The following FKTN variants were observed in gnomAD, a reference collection of about 807,000 sequenced individuals.
The protein encoded by FKTN is ribitol-5-phosphate transferase FKTN.
A neutral mutation model predicts 58.6 loss-of-function variants in FKTN; 47 were observed. The observed-to-expected ratio is 0.80, with a 90% CI of 0.63 to 1.02. The LOEUF (loss-of-function observed/expected upper bound fraction) is 1.02. Ranked by LOEUF, FKTN falls within the 50% of genes least tolerant of loss-of-function variation. FKTN has a pLI of 0.00. For missense variants in FKTN, 516 were observed against 537.3 expected (o/e 0.96, Z 0.39); for synonymous variants, 178 against 191.9 (o/e 0.93, Z 0.60).
intron 10 of FKTN, 60 bp from the exon 11 acceptor site, chr9:105,634,991 T>C (rs1833908318): frequency 1.5e-6 from 2 of 1,361,772 alleles, no homozygotes; most frequent in South Asian, 1.2e-5. Context: ...CACTAGCAGC[T>C]AGATTCCTTA....
intron 1 of FKTN, among the ~76,000 whole-genome samples, chr9:105,558,800 T>C (rs1279237861): frequency 2.6e-5 from 4 of 152,190 alleles, no homozygotes; most frequent in Non-Finnish European, 5.9e-5. Flanking sequence ...AAGGCTGTGT[T>C]TGAGCTAGAC....
chr9:105,598,105 A>G (rs1374678834), intron 4 of FKTN: 7 of 468,788 alleles, frequency 1.5e-5, no homozygotes, highest in Non-Finnish European at 2.7e-5. Flanking sequence ...TTGAGGTGGG[A>G]GAAAATAATG....
At chr9:105,612,844 A>C (rs1410987350) in intron 7 of FKTN, among the ~76,000 whole-genome samples, 1 of 152,186 alleles carries the variant, frequency 6.6e-6, no homozygotes, top group African/African-American at 2.4e-5. Flanking sequence ...GTGCACTTGT[A>C]ATCCCAGCTA....
chr9:105,634,343 G>C (rs1365656572), intron 10 of FKTN, among the ~76,000 whole-genome samples: 1 of 151,852 alleles, frequency 6.6e-6, no homozygotes, highest in African/African-American at 2.4e-5. Context: ...CATGTTGGCC[G>C]GGCTGGTCTC....
intron 10 of FKTN, among the ~76,000 whole-genome samples, chr9:105,631,122 G>A (rs1263132727): frequency 2.6e-5 from 4 of 152,088 alleles, no homozygotes; most frequent in Admixed American, 2.0e-4. Context: ...GACAAAGCGA[G>A]ACTGTCTCAA....
intron 3 of FKTN, among the ~76,000 whole-genome samples, chr9:105,583,132 G>A (rs1234431845): frequency 6.6e-6 from 1 of 152,240 alleles, no homozygotes; most frequent in Non-Finnish European, 1.5e-5. Context: ...CAAAAGAGAA[G>A]GGGTTTGGGA....
At chr9:105,600,412 G>A (rs1157931647) in intron 4 of FKTN, among the ~76,000 whole-genome samples, 1 of 152,084 alleles carries the variant, frequency 6.6e-6, no homozygotes, top group Admixed American at 6.5e-5. Flanking sequence ...AAGCAATAGT[G>A]TATGCCAGAT....
chr9:105,604,562 C>T (rs1013427418), intron 6 of FKTN, 70 bp downstream of exon 6: 25 of 1,233,594 alleles, frequency 2.0e-5, no homozygotes, highest in Non-Finnish European at 3.0e-5. Flanking sequence ...AGTGTTTTTA[C>T]ATTTGAGTAT....
chr9:105,613,233 G>C (rs1830247426), intron 7 of FKTN, among the ~76,000 whole-genome samples: 1 of 152,168 alleles, frequency 6.6e-6, no homozygotes, highest in South Asian at 2.1e-4. Flanking sequence ...CTAAATCCTA[G>C]GTCTCCACCT....
rs1342800007 is a variant in FKTN at position 105,580,513 on chromosome 9, G to C, written c.105+5376G>C. Among the ~76,000 whole-genome samples the C allele has an allele frequency of 7.4e-5, 9 of 121,494 alleles. No individual in the cohort carries two copies. In the East Asian group the frequency reaches 2.1e-3, roughly 28 times the overall value. 79.7% of individuals were successfully genotyped at this position (121,494 alleles called of 152,430 possible). Reference sequence around the variant, plus strand: ...ATTGGCCCCCACTCTCTTCTGGCTTGTAGGGTTTCTGCCAAGAGATCCGCT... The same window carrying C: ...ATTGGCCCCCACTCTCTTCTGGCTTCTAGGGTTTCTGCCAAGAGATCCGCT... On this transcript the variant is annotated intron_variant, in intron 3 of 10. Coordinates refer to ENST00000357998, the MANE Select transcript of FKTN (RefSeq NM_001079802.2).
intron 5 of FKTN, among the ~76,000 whole-genome samples, chr9:105,601,830 C>A (rs1178427271): frequency 6.6e-6 from 1 of 152,154 alleles, no homozygotes; most frequent in Non-Finnish European, 1.5e-5. Flanking sequence ...TTTATAATGT[C>A]CCTTTATATT....
At chr9:105,627,131 C>T (rs899789520) in intron 10 of FKTN, among the ~76,000 whole-genome samples, 4 of 151,912 alleles carry the variant, frequency 2.6e-5, no homozygotes, top group Non-Finnish European at 4.4e-5. Flanking sequence ...TTCCATCATA[C>T]CCAGCTATTT....
chr9:105,581,941 C>T (rs918949374), intron 3 of FKTN, among the ~76,000 whole-genome samples: 7 of 152,228 alleles, frequency 4.6e-5, no homozygotes, highest in East Asian at 3.9e-4. Flanking sequence ...CAGGTGTGTC[C>T]GTCACCCCTT....
chr9:105,603,255 A>G (rs750319418), intron 5 of FKTN, among the ~76,000 whole-genome samples: 4 of 152,102 alleles, frequency 2.6e-5, no homozygotes, highest in Non-Finnish European at 5.9e-5. Flanking sequence ...CTTTTATTCT[A>G]TTCAGTAGTG....
intron 10 of FKTN, chr9:105,624,208 TCA>T (rs1056977539): frequency 2.8e-4 from 42 of 152,238 alleles, no homozygotes; most frequent in African/African-American, 1.0e-3. Flanking sequence ...TGCATTGTAC[TCA>T]CAGTCATTCA....
intron 10 of FKTN, 30 bp downstream of exon 10, chr9:105,620,091 AG>A: frequency 6.3e-7 from 1 of 1,575,026 alleles, no homozygotes; most frequent in Non-Finnish European, 8.7e-7. Flanking sequence ...TTATTTATAA[AG>A]GTACTACAGA....
At chr9:105,576,394 A>G (rs1166157268) in intron 3 of FKTN, among the ~76,000 whole-genome samples, 1 of 151,478 alleles carries the variant, frequency 6.6e-6, no homozygotes, top group Non-Finnish European at 1.5e-5. Flanking sequence ...TTCATTTCCC[A>G]CCTATGAGTG....
At chr9:105,574,296 T>C (rs1841297358) in intron 2 of FKTN, 1 of 152,044 alleles carries the variant, frequency 6.6e-6, no homozygotes. Context: ...TTTGAAGAAC[T>C]AAATGTGTTT....
In FKTN at chr9:105,587,626, C is replaced by T. The variant is rs181910090; in HGVS notation, c.106-8972C>T. The stretch of plus-strand genomic sequence containing the variant: ...GGTAAACTTTAATAAATACTACTGC[C>T]CCACTTCTTCTATCACCCTCTCACT... On this transcript the variant is annotated intron_variant, in intron 3 of 10. Coordinates refer to ENST00000357998, the MANE Select transcript of FKTN (RefSeq NM_001079802.2). Among the ~76,000 whole-genome samples the T allele has an allele frequency of 4.6e-5, 7 of 152,146 alleles. 1 individual carries two copies. The highest frequency in any genetic ancestry group is 4.6e-4 in the Admixed American group (7 of 15,286).
Sources: allele counts gnomAD v4.1 joint callset (sites outside exome capture counted in the v4.1 genomes callset), GRCh38; gene constraint gnomAD v4.1.1; transcripts MANE v1.5; gene names NCBI Gene and HGNC (gene_info 2026-07-23, HGNC 2026-07-21).